The following PCDH9 variants were observed in gnomAD, a reference collection of about 807,000 sequenced individuals.
PCDH9 encodes the protein protocadherin 9, also known as protocadherin-9.
Under a neutral mutation model 70.6 loss-of-function variants are expected in PCDH9, and 24 were observed. That is an observed-to-expected ratio of 0.34 (90% CI 0.25 to 0.48). The LOEUF (loss-of-function observed/expected upper bound fraction) is 0.48. Ranked by LOEUF, PCDH9 falls within the 20% of genes least tolerant of loss-of-function variation. The pLI is 0.99. For synonymous variants in PCDH9, 562 were observed against 558.5 expected (o/e 1.01, Z -0.09); for missense variants, 1,281 against 1,503.6 (o/e 0.85, Z 2.45).
chr13:66,655,623 TAAGAC>T (rs2077918137), intron 3 of PCDH9, among the ~76,000 whole-genome samples: 2 of 152,146 alleles, frequency 1.3e-5, no homozygotes, highest in Non-Finnish European at 2.9e-5. Flanking sequence ...TAAAAAGTGT[TAAGAC>T]AAATAAGGCT....
At chr13:66,384,350 T>C (rs1237326215) in intron 4 of PCDH9, among the ~76,000 whole-genome samples, 1 of 152,130 alleles carries the variant, frequency 6.6e-6, no homozygotes, top group Non-Finnish European at 1.5e-5. Flanking sequence ...TCATTGCAAA[T>C]TTAAAAAGAG....
intron 3 of PCDH9, among the ~76,000 whole-genome samples, chr13:66,739,465 T>A (rs1268061732): frequency 3.3e-5 from 5 of 150,088 alleles, no homozygotes; most frequent in African/African-American, 1.2e-4. Flanking sequence ...AACATCATAA[T>A]GACAGGATCA....
intron 4 of PCDH9, among the ~76,000 whole-genome samples, chr13:66,602,117 G>C (rs1410224836): frequency 6.9e-6 from 1 of 145,596 alleles, no homozygotes; most frequent in Non-Finnish European, 1.5e-5. Flanking sequence ...TCAGCCTTTT[G>C]GTTTCCCTGG....
At chr13:66,827,047 T>C (rs557762774) in intron 3 of PCDH9, among the ~76,000 whole-genome samples, 19 of 152,336 alleles carry the variant, frequency 1.2e-4, no homozygotes, top group African/African-American at 4.3e-4. Context: ...TGTAGTCATA[T>C]GTATCTTTAT....
chr13:67,145,466 G>A (rs1441703188), intron 2 of PCDH9, among the ~76,000 whole-genome samples: 1 of 151,856 alleles, frequency 6.6e-6, no homozygotes, highest in Non-Finnish European at 1.5e-5. Flanking sequence ...TCTTAATTAA[G>A]ACAAAGTATG....
intron 4 of PCDH9, among the ~76,000 whole-genome samples, chr13:66,412,442 G>T (rs890526368): frequency 6.6e-6 from 1 of 152,168 alleles, no homozygotes; most frequent in Non-Finnish European, 1.5e-5. Flanking sequence ...TGTAAGCCGG[G>T]CAAGGACAGA....
intron 4 of PCDH9, among the ~76,000 whole-genome samples, chr13:66,348,994 A>C (rs1380413008): frequency 1.3e-5 from 2 of 152,172 alleles, no homozygotes; most frequent in Non-Finnish European, 2.9e-5. Flanking sequence ...ATGAGATGCC[A>C]AAAATAGTCA....
chr13:66,335,015 A>G (rs1402335637), intron 4 of PCDH9, among the ~76,000 whole-genome samples: 1 of 152,098 alleles, frequency 6.6e-6, no homozygotes, highest in African/African-American at 2.4e-5. Flanking sequence ...ATCTTGCCCA[A>G]AGCTTCATAA....
intron 2 of PCDH9, chr13:67,217,125 A>C (rs1566502543): frequency 1.3e-5 from 2 of 151,988 alleles, no homozygotes; most frequent in African/African-American, 4.8e-5. Context: ...AATCCAAAAA[A>C]CCACCAGTAT....
At chr13:66,425,786 T>G (rs915128674) in intron 4 of PCDH9, among the ~76,000 whole-genome samples, 1 of 151,646 alleles carries the variant, frequency 6.6e-6, no homozygotes. Context: ...GACTAATACT[T>G]ATCATACATT....
chr13:66,321,371 A>G (rs1366215751), intron 4 of PCDH9, among the ~76,000 whole-genome samples: 1 of 152,048 alleles, frequency 6.6e-6, no homozygotes, highest in Non-Finnish European at 1.5e-5. Flanking sequence ...CACAACAGCA[A>G]ATTACATTTT....
In PCDH9 at chr13:66,915,815, C is replaced by G. The variant is rs916646632; in HGVS notation, c.3037-12210G>C. 7.9e-5 allele frequency among the ~76,000 whole-genome samples: 12 copies of G among 151,568 alleles called. No individual in the cohort carries two copies. The East Asian group carries it at 1.2e-3, about 15-fold the overall frequency. ...CACTGAGCTCAGTAGCTCTGAATCC[C>G]TTTTTGCCTTTCTTTTAGCCCTAGC... On this transcript the variant is annotated intron_variant, in intron 2 of 4. Transcript: ENST00000377865.
chr13:66,637,018 A>C (rs893898030), intron 3 of PCDH9, among the ~76,000 whole-genome samples: 1 of 152,150 alleles, frequency 6.6e-6, no homozygotes, highest in Admixed American at 6.5e-5. Flanking sequence ...ATTTCTTATA[A>C]TATTCACTAG....
intron 4 of PCDH9, among the ~76,000 whole-genome samples, chr13:66,605,032 T>C (rs765537659): frequency 1.3e-5 from 2 of 152,054 alleles, no homozygotes; most frequent in Non-Finnish European, 2.9e-5. Flanking sequence ...AACTCTAAAG[T>C]ATATTTTAAA....
At chr13:66,629,587 T>C (rs989710400) in intron 4 of PCDH9, among the ~76,000 whole-genome samples, 3 of 152,292 alleles carry the variant, frequency 2.0e-5, no homozygotes, top group Non-Finnish European at 4.4e-5. Context: ...AGTGTAATAA[T>C]AAGAGGTTTT....
chr13:66,699,949 T>C (rs529594015), intron 3 of PCDH9, among the ~76,000 whole-genome samples: 2 of 152,126 alleles, frequency 1.3e-5, no homozygotes, highest in Non-Finnish European at 1.5e-5. Flanking sequence ...AACCATACTA[T>C]GTAGTGTTTC....
chr13:66,479,930 C>T (rs1166834204), intron 4 of PCDH9, among the ~76,000 whole-genome samples: 5 of 152,170 alleles, frequency 3.3e-5, no homozygotes, highest in Admixed American at 6.5e-5. Flanking sequence ...GCAACCCGCT[C>T]GGGTCCCTTT....
At chr13:66,867,543 TG>T (rs2081598457) in intron 3 of PCDH9, among the ~76,000 whole-genome samples, 1 of 152,066 alleles carries the variant, frequency 6.6e-6, no homozygotes, top group Non-Finnish European at 1.5e-5. Flanking sequence ...AGAATAGCTA[TG>T]AAAAAAACCT....
At chr13:67,168,958 C>G (rs1330433165) in intron 2 of PCDH9, among the ~76,000 whole-genome samples, 2 of 152,170 alleles carry the variant, frequency 1.3e-5, no homozygotes, top group African/African-American at 4.8e-5. Context: ...TATGAACAAC[C>G]ATTCCAGTAG....
Sources: gnomAD v4.1 joint callset for allele counts (sites outside exome capture counted in the v4.1 genomes callset) on GRCh38, gnomAD v4.1.1 for gene constraint, MANE v1.5 for transcripts, NCBI Gene and HGNC (gene_info 2026-07-23, HGNC 2026-07-21) for gene names.